The following SGCZ variants were observed in gnomAD, a reference collection of about 807,000 sequenced individuals.
SGCZ encodes zeta-sarcoglycan.
Under a neutral mutation model 41.3 loss-of-function variants are expected in SGCZ, and 40 were observed. That is an observed-to-expected ratio of 0.97 (90% CI 0.75 to 1.26). The LOEUF (loss-of-function observed/expected upper bound fraction) is 1.26. Ranked by LOEUF, SGCZ falls within the 50% of genes most tolerant of loss-of-function variation. The pLI, the probability that SGCZ is intolerant of heterozygous loss-of-function variation, is 0.00. For missense variants in SGCZ, 552 were observed against 369.8 expected (o/e 1.49, Z -4.04); for synonymous variants, 206 against 137.5 (o/e 1.50, Z -3.49).
intron 4 of SGCZ, among the ~76,000 whole-genome samples, chr8:14,192,651 G>A (rs564248279): frequency 6.6e-5 from 10 of 151,714 alleles, no homozygotes; most frequent in African/African-American, 2.4e-4. Flanking sequence ...TCATTAATTA[G>A]ATAAGAATGA....
Position 15,172,310 on chromosome 8 carries a change from C to T in SGCZ, c.39+65275G>A, listed in dbSNP as rs886384874. On this transcript the variant is annotated intron_variant, in intron 1 of 7. Transcript: ENST00000382080. ...CCGAGTAGCTGGGACTACAGGCGCG[C>T]GCCACCATGCCCGGCTAATTTTTGT... Among the ~76,000 whole-genome samples the T allele has an allele frequency of 1.3e-4, 20 of 150,426 alleles. 1 individual carries two copies. The highest frequency in any genetic ancestry group is 4.2e-4 in the South Asian group (2 of 4,744).
intron 4 of SGCZ, among the ~76,000 whole-genome samples, chr8:14,168,776 A>G (rs964771589): frequency 6.6e-6 from 1 of 152,148 alleles, no homozygotes; most frequent in Admixed American, 6.6e-5. Context: ...ACATTTGCAG[A>G]AAATCTGTTA....
intron 1 of SGCZ, among the ~76,000 whole-genome samples, chr8:15,039,564 A>G (rs1803999955): frequency 6.6e-6 from 1 of 152,226 alleles, no homozygotes; most frequent in South Asian, 2.1e-4. Flanking sequence ...TGGTGACTAT[A>G]GCCAATAACA....
rs1027017706 is a variant in SGCZ, at chr8:14,599,703, G to A, written c.40-44777C>T. On this transcript the variant is annotated intron_variant, in intron 1 of 7. Coordinates refer to ENST00000382080, the MANE Select transcript of SGCZ (RefSeq NM_139167.4). Reference sequence around the variant, plus strand: ...CTTTCTTTTCCTAATAAATGAACACGTGTCCCTCTCTAAAACAAACTCCTC... The same window carrying A: ...CTTTCTTTTCCTAATAAATGAACACATGTCCCTCTCTAAAACAAACTCCTC... Among the ~76,000 whole-genome samples, 7 of 152,026 alleles carry A rather than the reference G, an allele frequency of 4.6e-5. No individual in the cohort carries two copies. In the East Asian group the frequency reaches 7.7e-4, roughly 17 times the overall value.
chr8:14,894,595 C>G (rs1805126857), intron 1 of SGCZ, among the ~76,000 whole-genome samples: 1 of 152,128 alleles, frequency 6.6e-6, no homozygotes, highest in South Asian at 2.1e-4. Context: ...ACTGAAGACA[C>G]AGTTTTTCAT....
chr8:15,187,204 C>A (rs770842962), intron 1 of SGCZ, among the ~76,000 whole-genome samples: 1 of 152,058 alleles, frequency 6.6e-6, no homozygotes, highest in Non-Finnish European at 1.5e-5. Context: ...TACAATATTT[C>A]CTTTCAGCTC....
chr8:14,788,561 A>G (rs935373245), intron 1 of SGCZ, among the ~76,000 whole-genome samples: 2 of 152,194 alleles, frequency 1.3e-5, no homozygotes, highest in Non-Finnish European at 1.5e-5. Flanking sequence ...AAATCATGGA[A>G]CATCAGTAAT....
chr8:15,146,904 G>C lies in SGCZ; in HGVS notation c.39+90681C>G, dbSNP rs140763577. On this transcript the variant is annotated intron_variant, in intron 1 of 7. Transcript: ENST00000382080. ...GTTAATACTGTATAGCAACTTAAAAGAAATTCAATTAATCATCCCTTAACA... is the reference window on the plus strand; with the variant it reads ...GTTAATACTGTATAGCAACTTAAAACAAATTCAATTAATCATCCCTTAACA... Among the ~76,000 whole-genome samples, 896 of 152,154 alleles carry C rather than the reference G, an allele frequency of 5.9e-3. 10 individuals carry two copies. The highest frequency in any genetic ancestry group is 0.021 in the African/African-American group (852 of 41,526).
At chr8:14,855,205 A>G (rs1397597897) in intron 1 of SGCZ, among the ~76,000 whole-genome samples, 1 of 151,880 alleles carries the variant, frequency 6.6e-6, no homozygotes, top group Non-Finnish European at 1.5e-5. Context: ...GGATGCCAAC[A>G]TGTCCACCTA....
intron 2 of SGCZ, among the ~76,000 whole-genome samples, chr8:14,484,326 T>A (rs1351561334): frequency 6.6e-6 from 1 of 152,182 alleles, no homozygotes; most frequent in Non-Finnish European, 1.5e-5. Flanking sequence ...GAGAGCTAAG[T>A]GCAAACGATG....
chr8:14,543,924 C>T (rs1803544972), intron 2 of SGCZ, among the ~76,000 whole-genome samples: 1 of 152,060 alleles, frequency 6.6e-6, no homozygotes, highest in Non-Finnish European at 1.5e-5. Flanking sequence ...CTGTTAAATA[C>T]TCTTAGAGAT....
intron 2 of SGCZ, among the ~76,000 whole-genome samples, chr8:14,550,155 C>T (rs1029723750): frequency 1.3e-5 from 2 of 151,800 alleles, no homozygotes; most frequent in Non-Finnish European, 2.9e-5. Context: ...ATATTGGAAA[C>T]AACTTAGGAG....
chr8:14,149,454 A>G (rs553694400), intron 5 of SGCZ, among the ~76,000 whole-genome samples: 52 of 152,226 alleles, frequency 3.4e-4, no homozygotes, highest in African/African-American at 1.2e-3. Flanking sequence ...TTACCTAGGA[A>G]TTAACCAATG....
chr8:14,777,607 T>G (rs1371059166), intron 1 of SGCZ, among the ~76,000 whole-genome samples: 1 of 152,166 alleles, frequency 6.6e-6, no homozygotes, highest in East Asian at 1.9e-4. Context: ...ATAATTACAA[T>G]GTGATGCATA....
chr8:14,795,874 G>A (rs934711249), intron 1 of SGCZ, among the ~76,000 whole-genome samples: 2 of 152,016 alleles, frequency 1.3e-5, no homozygotes, highest in African/African-American at 4.8e-5. Context: ...CCCTCTATGT[G>A]TCCATATGTT....
Position 14,554,736 on chromosome 8 carries a change from G to T in SGCZ, c.230C>A (p.Thr77Asn). Residue 77 changes from threonine to asparagine, a missense_variant, in exon 2 of 8, where the codon ACT becomes AAT. By Grantham distance (65) the Thr-to-Asn change is moderately conservative (BLOSUM62 0). Transcript: ENST00000382080. Reference sequence around the variant, plus strand: ...TAAAATCATAGTGGTACTTACCACAGTGAAATTCATAACTTTCAATATCCA... The same window carrying T: ...TAAAATCATAGTGGTACTTACCACATTGAAATTCATAACTTTCAATATCCA... ...TIWILKVMNFTVDGMGNLRVT... is the reference protein window; with the variant it reads ...TIWILKVMNFNVDGMGNLRVT... 6.2e-7 allele frequency: 1 copy of T among 1,611,378 alleles called. No homozygotes were observed. The highest frequency in any genetic ancestry group is 8.5e-7 in the Non-Finnish European group (1 of 1,178,240).
At chr8:15,185,849 A>G (rs1563172039) in intron 1 of SGCZ, among the ~76,000 whole-genome samples, 2 of 152,284 alleles carry the variant, frequency 1.3e-5, no homozygotes, top group Middle Eastern at 3.4e-3. Context: ...TGACTTATGA[A>G]TATTTTAAAC....
intron 2 of SGCZ, among the ~76,000 whole-genome samples, chr8:14,546,550 T>C (rs962863078): frequency 1.3e-5 from 2 of 152,172 alleles, no homozygotes; most frequent in African/African-American, 4.8e-5. Flanking sequence ...GCTAAACTCA[T>C]AAATGTAGTC....
intron 5 of SGCZ, among the ~76,000 whole-genome samples, chr8:14,141,643 G>C (rs778994456): frequency 1.8e-4 from 28 of 152,082 alleles, no homozygotes; most frequent in African/African-American, 5.8e-4. Flanking sequence ...TTAGAATGGC[G>C]ATCATTAAAA....
Sources: allele counts gnomAD v4.1 joint callset (sites outside exome capture counted in the v4.1 genomes callset), GRCh38; gene constraint gnomAD v4.1.1; transcripts MANE v1.5; gene names NCBI Gene and HGNC (gene_info 2026-07-23, HGNC 2026-07-21).